Variants in ZNF622 observed in about 807,000 individuals in gnomAD.
The protein encoded by ZNF622 is cytoplasmic 60S subunit biogenesis factor ZNF622.
In ZNF622, 34 loss-of-function variants were observed where a neutral mutation model predicts 49.7. The observed-to-expected ratio is 0.68, with a 90% confidence interval of 0.52 to 0.91. The LOEUF (loss-of-function observed/expected upper bound fraction) is 0.91, where lower values mean the gene tolerates loss of function less well. Among genes scored for constraint, ZNF622 ranks in the 40% least tolerant of loss-of-function variants. ZNF622 has a pLI of 0.00. For missense variants in ZNF622, 569 were observed against 616.4 expected (o/e 0.92, Z 0.81); for synonymous variants, 209 against 228.7 (o/e 0.91, Z 0.78).
In ZNF622 at chr5:16,465,261, G is replaced by A; in HGVS notation, c.405C>T (p.Ala135=). The part of the protein sequence containing the change: ...KDAMNAAIQQ[A]IKAQPSMSPK... ...GAGACATGGACGGCTGGGCCTTGAT[G>A]GCCTGCTGGATGGCCGCGTTCATGG... The change falls in exon 1 of 6, where the codon GCC becomes GCT. Residue 135 remains alanine, a synonymous_variant. Coordinates refer to ENST00000308683, the MANE Select transcript of ZNF622 (RefSeq NM_033414.3). The surrounding 1 kb of genome is among the most constrained non-coding windows in gnomAD (Gnocchi z 6.2). The A allele has an allele frequency of 2.5e-6, 4 of 1,614,238 alleles. No individual in the cohort carries two copies. The highest frequency in any genetic ancestry group is 3.4e-6 in the Non-Finnish European group (4 of 1,180,024).
intron 4 of ZNF622, 22 bp from the exon 5 acceptor site, chr5:16,453,178 C>T: frequency 6.8e-7 from 1 of 1,461,226 alleles, no homozygotes; most frequent in Non-Finnish European, 9.1e-7. Flanking sequence ...AAGAGCAATA[C>T]TGAAACACTG....
chr5:16,462,678 G>A (rs1738138904), intron 3 of ZNF622, among the ~76,000 whole-genome samples: 1 of 152,076 alleles, frequency 6.6e-6, no homozygotes, highest in South Asian at 2.1e-4. Flanking sequence ...TCTAGTTAGG[G>A]GTGAACCACC....
rs566244511 is a variant in ZNF622, at chr5:16,456,540, G to A, written c.1162+1977C>T. On this transcript the variant is annotated intron_variant, in intron 4 of 5. Coordinates refer to ENST00000308683, the MANE Select transcript of ZNF622 (RefSeq NM_033414.3). ...AGAGACTCTTGTTACCCAGTAAATG[G>A]ACAGAAGATGAGTTCAGGAAGCCTT... 5.3e-5 allele frequency among the ~76,000 whole-genome samples: 8 copies of A among 152,280 alleles called. No homozygotes were observed. The East Asian group carries it at 1.2e-3, about 22-fold the overall frequency.
chr5:16,465,690 C>A lies in ZNF622; in HGVS notation c.-25G>T. On this transcript the variant is annotated 5_prime_UTR_variant, in exon 1 of 6. Coordinates refer to ENST00000308683, the MANE Select transcript of ZNF622 (RefSeq NM_033414.3). The surrounding 1 kb of genome is among the most constrained non-coding windows in gnomAD (Gnocchi z 6.2). ...TTGCCAGGCGAGAAATAAGAACCGACCAAGCCAAACACCTGGTGATCAGCG... is the reference window on the plus strand; with the variant it reads ...TTGCCAGGCGAGAAATAAGAACCGAACAAGCCAAACACCTGGTGATCAGCG... The A allele has an allele frequency of 6.5e-7, 1 of 1,541,798 alleles. No individual in the cohort carries two copies. The highest frequency in any genetic ancestry group is 8.7e-7 in the Non-Finnish European group (1 of 1,145,816).
chr5:16,461,280 C>A (rs1738117879), intron 3 of ZNF622, among the ~76,000 whole-genome samples: 1 of 152,240 alleles, frequency 6.6e-6, no homozygotes, highest in East Asian at 1.9e-4. Context: ...ATGTGCAGGG[C>A]CTTGCAGGCC....
intron 3 of ZNF622, among the ~76,000 whole-genome samples, chr5:16,460,113 C>G (rs1738100115): frequency 1.3e-5 from 2 of 152,180 alleles, no homozygotes; most frequent in Admixed American, 1.3e-4. Flanking sequence ...TAACCTAAAT[C>G]ATTGCATACT....
intron 3 of ZNF622, among the ~76,000 whole-genome samples, chr5:16,458,950 C>T (rs78812415): frequency 0.043 from 6,544 of 152,248 alleles, 432 homozygotes; most frequent in African/African-American, 0.15. Flanking sequence ...AATTATAGAA[C>T]AGTGCTGTCC....
chr5:16,465,777 C>G lies in ZNF622; in HGVS notation c.-112G>C. The G allele has an allele frequency of 7.2e-7, 1 of 1,380,794 alleles. No homozygotes were observed. Among genetic ancestry groups the G allele is most frequent in the Non-Finnish European group, 9.8e-7 (1 of 1,021,822 alleles). The allele number at this position is 1,380,794 out of a possible 1,614,324, so 85.5% of individuals were successfully genotyped here. A position where few individuals can be genotyped will look rare whatever the true frequency, so the allele number is the denominator to read the frequency against. Reference sequence around the variant, plus strand: ...TCAGCAGCCAGGAAGAGCCACTCGACACGCCGACTTCCTGATTGTCACTGA... The same window carrying G: ...TCAGCAGCCAGGAAGAGCCACTCGAGACGCCGACTTCCTGATTGTCACTGA... On this transcript the variant is annotated 5_prime_UTR_variant, in exon 1 of 6. Coordinates refer to ENST00000308683, the MANE Select transcript of ZNF622 (RefSeq NM_033414.3). The surrounding 1 kb of genome is among the most constrained non-coding windows in gnomAD (Gnocchi z 6.2).
intron 4 of ZNF622, among the ~76,000 whole-genome samples, chr5:16,455,082 C>T (rs1481223969): frequency 6.6e-6 from 1 of 152,154 alleles, no homozygotes; most frequent in Admixed American, 6.5e-5. Context: ...ACAGACATAA[C>T]CATGCAGATA....
intron 4 of ZNF622, 59 bp from the exon 5 acceptor site, chr5:16,453,215 C>T: frequency 7.4e-7 from 1 of 1,352,726 alleles, no homozygotes; most frequent in Non-Finnish European, 9.6e-7. Context: ...CAAGGCAGAG[C>T]TATAAAGCAA....
rs575989843 is a variant in ZNF622, at chr5:16,463,723, A to C, written c.645T>G (p.Ser215=). Residue 215 remains serine, a synonymous_variant, in exon 2 of 6, where the codon TCT becomes TCG. Transcript: ENST00000308683. The surrounding 1 kb of genome is among the most constrained non-coding windows in gnomAD (Gnocchi z 4.2). ...LDGDDWEDID[S]DEELECEDTE... is the part of the protein sequence containing the mutation. ...TATCCTCACATTCCAATTCTTCATC[A>C]GAATCAATATCTTCCCAATCTGCAA... is the stretch of plus-strand genomic sequence containing the variant. 5 of 1,613,498 alleles carry C rather than the reference A, an allele frequency of 3.1e-6. No individual in the cohort carries two copies. In the South Asian group the frequency reaches 4.4e-5, roughly 14 times the overall value.
At position 16,465,201 on chromosome 5, in the gene ZNF622, G is replaced by A. The variant is rs1561071081; in HGVS notation, c.465C>T (p.Ala155=). The A allele has an allele frequency of 6.2e-7, 1 of 1,614,202 alleles. No homozygotes were observed. The highest frequency in any genetic ancestry group is 8.5e-7 in the Non-Finnish European group (1 of 1,180,040). Residue 155 remains alanine, a synonymous_variant, in exon 1 of 6, where the codon GCC becomes GCT. Coordinates refer to ENST00000308683, the MANE Select transcript of ZNF622 (RefSeq NM_033414.3). This position sits in a 1 kb window ranked among gnomAD's most constrained non-coding sequence, Gnocchi z 6.2. ...CAGTACCCACGGCCACGACATTCCT[G>A]GCCTCCTTTGCAGGCGCTGGGGGCG... The part of the protein sequence containing the change: ...KKAPPAPAKE[A]RNVVAVGTGG...
intron 3 of ZNF622, among the ~76,000 whole-genome samples, chr5:16,458,986 C>T (rs1042367921): frequency 1.3e-5 from 2 of 152,308 alleles, no homozygotes; most frequent in Admixed American, 6.5e-5. Context: ...TGACAGAAAA[C>T]GTTCTATCAA....
chr5:16,460,773 C>A (rs183643959), intron 3 of ZNF622, among the ~76,000 whole-genome samples: 1 of 152,156 alleles, frequency 6.6e-6, no homozygotes, highest in Admixed American at 6.5e-5. Context: ...CATATAATTT[C>A]TCATTTCTAG....
Position 16,451,802 on chromosome 5 carries a change from T to G in ZNF622, c.1307-18A>C, listed in dbSNP as rs1171804999. 1 of 1,605,036 alleles carries G rather than the reference T, an allele frequency of 6.2e-7. No homozygotes were observed. The highest frequency in any genetic ancestry group is 8.5e-7 in the Non-Finnish European group (1 of 1,177,050). ...AGCCGCTCCTATGATTGGAAGGCAG[T>G]TAAGAAATTAGGCAAAGTTCTGTTA... On this transcript the variant is annotated intron_variant, in intron 5 of 5. Transcript: ENST00000308683.
intron 3 of ZNF622, among the ~76,000 whole-genome samples, chr5:16,459,545 T>C (rs974394243): frequency 6.6e-5 from 10 of 152,202 alleles, no homozygotes; most frequent in African/African-American, 2.4e-4. Flanking sequence ...CTCCTACATA[T>C]ACACACAACA....
intron 3 of ZNF622, among the ~76,000 whole-genome samples, chr5:16,459,417 C>T (rs1052734229): frequency 6.6e-6 from 1 of 152,104 alleles, no homozygotes; most frequent in Non-Finnish European, 1.5e-5. Flanking sequence ...TACACACCCA[C>T]CAAAGTTGCT....
Position 16,465,173 on chromosome 5 carries a change from C to T in ZNF622, c.493G>A (p.Gly165Ser), listed in dbSNP as rs1331634897. ...ARNVVAVGTG[G>S]RGTHDRDPSE... is the part of the protein sequence containing the mutation. Reference sequence around the variant, plus strand: ...GGGTCTCGGTCGTGGGTCCCACGGCCACCAGTACCCACGGCCACGACATTC... The same window carrying T: ...GGGTCTCGGTCGTGGGTCCCACGGCTACCAGTACCCACGGCCACGACATTC... Residue 165 changes from glycine to serine, a missense_variant, in exon 1 of 6, where the codon GGC (glycine) becomes AGC (serine). Transcript: ENST00000308683. The surrounding 1 kb of genome is among the most constrained non-coding windows in gnomAD (Gnocchi z 6.2). The T allele has an allele frequency of 6.2e-7, 1 of 1,614,084 alleles. No individual in the cohort carries two copies. The highest frequency in any genetic ancestry group is 8.5e-7 in the Non-Finnish European group (1 of 1,180,030).
chr5:16,458,484 A>T, intron 4 of ZNF622, 33 bp downstream of exon 4: 2 of 1,450,398 alleles, frequency 1.4e-6, no homozygotes, highest in Non-Finnish European at 1.9e-6. Context: ...TCCCACTGGC[A>T]TTAAGCTATT....
Sources: gnomAD v4.1 joint callset for allele counts (sites outside exome capture counted in the v4.1 genomes callset) on GRCh38, gnomAD v4.1.1 for gene constraint, Gnocchi (gnomAD v3.1) non-coding constraint, MANE v1.5 for transcripts, NCBI Gene and HGNC (gene_info 2026-07-23, HGNC 2026-07-21) for gene names.